Variants in UBR2 observed in about 807,000 individuals in gnomAD.
UBR2 encodes ubiquitin protein ligase E3 component n-recognin 2, also known as E3 ubiquitin-protein ligase UBR2.
UBR2 carries 92 observed loss-of-function variants against 247.9 expected under a neutral mutation model. The observed-to-expected ratio is 0.37, with a 90% CI of 0.31 to 0.44. The LOEUF (loss-of-function observed/expected upper bound fraction) is 0.44, where lower values mean the gene tolerates loss of function less well. Ranked by LOEUF, UBR2 falls within the 20% of genes least tolerant of loss-of-function variation. UBR2 has a pLI of 1.00. For synonymous variants in UBR2, 672 were observed against 693.5 expected (o/e 0.97, Z 0.49); for missense variants, 1,613 against 2,112.6 (o/e 0.76, Z 4.64).
chr6:42,640,529 T>C (rs987830030), intron 16 of UBR2, among the ~76,000 whole-genome samples: 2 of 151,880 alleles, frequency 1.3e-5, no homozygotes, highest in African/African-American at 2.4e-5. Context: ...GTCTGAAATA[T>C]GCAGGGGAGC....
intron 4 of UBR2, among the ~76,000 whole-genome samples, chr6:42,600,706 G>C (rs975243379): frequency 6.7e-6 from 1 of 148,732 alleles, no homozygotes; most frequent in African/African-American, 2.5e-5. Context: ...TTTTTCTGTT[G>C]CCCAGGCTTG....
chr6:42,652,830 A>T (rs1797203549), intron 25 of UBR2, among the ~76,000 whole-genome samples, 185 bp downstream of exon 25: 1 of 152,146 alleles, frequency 6.6e-6, no homozygotes, highest in South Asian at 2.1e-4. Flanking sequence ...TTTATACCAC[A>T]TGGTTGTTAT....
intron 7 of UBR2, among the ~76,000 whole-genome samples, chr6:42,608,559 G>A (rs1364020963): frequency 1.3e-5 from 2 of 152,150 alleles, no homozygotes; most frequent in African/African-American, 2.4e-5. Flanking sequence ...GAGCCCAGGA[G>A]TCCAAGGGTA....
At chr6:42,658,442 ACTATTTATCT>A in intron 28 of UBR2, 122 bp downstream of exon 28, 1 of 1,117,082 alleles carries the variant, frequency 9.0e-7, no homozygotes, top group Non-Finnish European at 1.3e-6. Flanking sequence ...GAAATATGCC[ACTATTTATCT>A]CTATTTGTTG....
At chr6:42,657,950 A>T in intron 26 of UBR2, 74 bp from the exon 27 acceptor site, 1 of 1,119,036 alleles carries the variant, frequency 8.9e-7, no homozygotes, top group Non-Finnish European at 1.3e-6. Flanking sequence ...AACTGCATTT[A>T]TGTTCCTGTG....
chr6:42,574,475 G>T (rs182527674), intron 2 of UBR2, among the ~76,000 whole-genome samples: 15 of 152,172 alleles, frequency 9.9e-5, no homozygotes, highest in South Asian at 8.3e-4. Context: ...TTTCTTTAAA[G>T]ATTTTTCTTT....
Position 42,644,299 on chromosome 6 carries a change from A to C in UBR2, c.2183A>C (p.Asp728Ala). ...FELYQIFSTP[D>A]YGKRFSSEIT... The stretch of plus-strand genomic sequence containing the variant: ...CTTTATCAGATTTTCAGTACTCCAG[A>C]CTATGGAAAAAGATTTAGTTCTGAG... Residue 728 changes from aspartate to alanine, a missense_variant, in exon 19 of 47, where the codon GAC becomes GCC. By Grantham distance (126) the Asp-to-Ala change is moderately radical. Coordinates refer to ENST00000372901, the MANE Select transcript of UBR2 (RefSeq NM_001363705.2). 6.2e-7 allele frequency: 1 copy of C among 1,613,554 alleles called. No homozygotes were observed. The highest frequency in any genetic ancestry group is 2.2e-5 in the East Asian group (1 of 44,850).
At chr6:42,658,601 G>A (rs761890308) in intron 28 of UBR2, 45 bp from the exon 29 acceptor site, 3 of 1,535,464 alleles carry the variant, frequency 2.0e-6, no homozygotes, top group Non-Finnish European at 2.6e-6. Context: ...AAAAAAATGT[G>A]CGTTTTAGCA....
chr6:42,632,920 T>TA lies in UBR2; in HGVS notation c.1545+17dup, dbSNP rs781626962. On this transcript the variant is annotated intron_variant, in intron 13 of 46. Coordinates refer to ENST00000372901, the MANE Select transcript of UBR2 (RefSeq NM_001363705.2). Reference sequence around the variant, plus strand: ...ATGTATGCAGGTATGTAAAAACTGTTACACTTTTCTTTTTCCTTTTTTTTT... The same window carrying TA: ...ATGTATGCAGGTATGTAAAAACTGTTAACACTTTTCTTTTTCCTTTTTTTTT... 6.6e-5 allele frequency: 94 copies of TA among 1,423,362 alleles called. No individual in the cohort carries two copies. Among genetic ancestry groups the TA allele is most frequent in the Non-Finnish European group, 8.6e-5 (92 of 1,066,692 alleles). The allele number at this position is 1,423,362 out of a possible 1,614,324, so 88.2% of individuals were successfully genotyped here. A position where few individuals can be genotyped will look rare whatever the true frequency, so the allele number is the denominator to read the frequency against.
intron 41 of UBR2, among the ~76,000 whole-genome samples, chr6:42,679,070 A>G (rs529420688): frequency 6.6e-6 from 1 of 152,372 alleles, no homozygotes; most frequent in Non-Finnish European, 1.5e-5. Context: ...CCATAATTGC[A>G]CATAAATCTG....
At chr6:42,682,354 G>C (rs1799107455) in intron 42 of UBR2, among the ~76,000 whole-genome samples, 1 of 151,694 alleles carries the variant, frequency 6.6e-6, no homozygotes, top group Non-Finnish European at 1.5e-5. Flanking sequence ...CAATATGAAG[G>C]TACTTAATGC....
intron 22 of UBR2, 49 bp downstream of exon 22, chr6:42,648,219 A>G (rs574097835): frequency 2.7e-6 from 4 of 1,491,368 alleles, no homozygotes; most frequent in East Asian, 2.3e-5. Context: ...TTTCCAGTAC[A>G]TTCATTTTTC....
chr6:42,663,805 T>G (rs1171380077), intron 32 of UBR2, among the ~76,000 whole-genome samples: 2 of 152,200 alleles, frequency 1.3e-5, no homozygotes, highest in African/African-American at 4.8e-5. Context: ...TTTGCTGTAC[T>G]GGCCATTCAT....
chr6:42,684,412 TA>T (rs767838430), intron 43 of UBR2, among the ~76,000 whole-genome samples: 379 of 141,992 alleles, frequency 2.7e-3, no homozygotes, highest in Middle Eastern at 3.5e-3. Flanking sequence ...CTGTCTCTAC[TA>T]AAAAAAAAAA....
Position 42,689,480 on chromosome 6 carries a change from G to A in UBR2, c.5025-89G>A, listed in dbSNP as rs1799629785. The A allele has an allele frequency of 8.0e-7, 1 of 1,242,356 alleles. No individual in the cohort carries two copies. Among genetic ancestry groups the A allele is most frequent in the Non-Finnish European group, 1.2e-6 (1 of 846,532 alleles). The allele number at this position is 1,242,356 out of a possible 1,614,324, so 77.0% of individuals were successfully genotyped here. A position where few individuals can be genotyped will look rare whatever the true frequency, so the allele number is the denominator to read the frequency against. On this transcript the variant is annotated intron_variant, in intron 45 of 46. Transcript: ENST00000372901. This position sits in a 1 kb window ranked among gnomAD's most constrained non-coding sequence, Gnocchi z 4.0. ...CCTCCTAATAGTGGTTTAAATATCAGTACTATAAGACTTCATTCTATTTGG... is the reference window on the plus strand; with the variant it reads ...CCTCCTAATAGTGGTTTAAATATCAATACTATAAGACTTCATTCTATTTGG...
intron 8 of UBR2, among the ~76,000 whole-genome samples, chr6:42,614,205 A>AAAAAAAAAATATAT (rs1562310782): frequency 3.8e-5 from 1 of 26,614 alleles, no homozygotes; most frequent in Non-Finnish European, 6.7e-5. Context: ...AAAAAAAAAA[A>AAAAAAAAAATATAT]CTATATATAT....
intron 1 of UBR2, among the ~76,000 whole-genome samples, chr6:42,567,451 C>T (rs1790847907): frequency 6.6e-6 from 1 of 152,162 alleles, no homozygotes; most frequent in Non-Finnish European, 1.5e-5. Flanking sequence ...AGTAAACATG[C>T]CGGGTGTGGT....
chr6:42,591,700 T>C (rs1303881165), intron 2 of UBR2, among the ~76,000 whole-genome samples: 3 of 152,240 alleles, frequency 2.0e-5, no homozygotes, highest in Admixed American at 2.0e-4. Context: ...TTTCAGTTGA[T>C]ACTTCTGCCT....
rs538698855 is a variant in UBR2 at position 42,582,864 on chromosome 6, T to A, written c.338+8871T>A. Among the ~76,000 whole-genome samples, 16 of 151,468 alleles carry A rather than the reference T, an allele frequency of 1.1e-4. No homozygotes were observed. The East Asian group carries it at 2.7e-3, about 26-fold the overall frequency. On this transcript the variant is annotated intron_variant, in intron 2 of 46. Coordinates refer to ENST00000372901, the MANE Select transcript of UBR2 (RefSeq NM_001363705.2). The stretch of plus-strand genomic sequence containing the variant: ...ATAGTTCTTTTTTTCTTTTTAAAAT[T>A]AAAAAAAAAGTCAGTGCGTTTTGGG...
Sources: allele counts gnomAD v4.1 joint callset (sites outside exome capture counted in the v4.1 genomes callset), GRCh38; gene constraint gnomAD v4.1.1; non-coding constraint Gnocchi (gnomAD v3.1); transcripts MANE v1.5; gene names NCBI Gene and HGNC (gene_info 2026-07-23, HGNC 2026-07-21).